Variants in CDH2 observed in about 807,000 individuals in gnomAD.
CDH2 encodes cadherin 2, also known as cadherin-2.
In CDH2, 17 loss-of-function variants were observed where a neutral mutation model predicts 92.0. The observed-to-expected ratio is 0.18, with a 90% CI of 0.13 to 0.28. The LOEUF is 0.28. Ranked by LOEUF, CDH2 falls within the 10% of genes least tolerant of loss-of-function variation. CDH2 has a pLI of 1.00. For synonymous variants in CDH2, 419 were observed against 415.9 expected (o/e 1.01, Z -0.09); for missense variants, 862 against 1,133.1 (o/e 0.76, Z 3.44).
At chr18:28,019,190 T>C (rs1292397232) in intron 2 of CDH2, among the ~76,000 whole-genome samples, 31 of 151,870 alleles carry the variant, frequency 2.0e-4, no homozygotes, top group Admixed American at 2.0e-3. Flanking sequence ...ACTGGGTACA[T>C]TGTACACTGC....
Position 27,976,106 on chromosome 18 carries a change from C to T in CDH2, c.2349+6838G>A, listed in dbSNP as rs558495086. Among the ~76,000 whole-genome samples, 21 of 152,262 alleles carry T rather than the reference C, an allele frequency of 1.4e-4. 1 individual carries two copies. In the South Asian group the frequency reaches 3.1e-3, roughly 23 times the overall value. On this transcript the variant is annotated intron_variant, in intron 14 of 15. Coordinates refer to ENST00000269141, the MANE Select transcript of CDH2 (RefSeq NM_001792.5). ...TCAGAAGGAACCAATCATGAGAGAGCAGGCAAACAGGGACAGAAGTACTCA... is the reference window on the plus strand; with the variant it reads ...TCAGAAGGAACCAATCATGAGAGAGTAGGCAAACAGGGACAGAAGTACTCA...
chr18:28,011,778 T>C, intron 4 of CDH2, 68 bp downstream of exon 4: 7 of 1,464,360 alleles, frequency 4.8e-6, no homozygotes, highest in Non-Finnish European at 6.6e-6. Flanking sequence ...GTAAAAAAAA[T>C]AGACAGAAAT....
intron 15 of CDH2, among the ~76,000 whole-genome samples, chr18:27,957,848 C>T (rs999992997): frequency 1.3e-5 from 2 of 152,124 alleles, no homozygotes; most frequent in Admixed American, 6.6e-5. Flanking sequence ...AACATTACTA[C>T]CCCTCTTTCT....
At chr18:27,944,220 A>C (rs1409710793) in intron 6 of CDH2, among the ~76,000 whole-genome samples, 1 of 152,204 alleles carries the variant, frequency 6.6e-6, no homozygotes, top group African/African-American at 2.4e-5. Flanking sequence ...TTTCTCACAA[A>C]GTAGAAACTA....
rs117885576 is a variant in CDH2 at position 28,002,899 on chromosome 18, G to A, written c.1020+98C>T. The A allele has an allele frequency of 3.6e-3, 3,783 of 1,057,294 alleles. 13 individuals are homozygous for A. The highest frequency in any genetic ancestry group is 5.0e-3 in the Non-Finnish European group (3,475 of 695,950). The allele number at this position is 1,057,294 out of a possible 1,614,324, so 65.5% of individuals were successfully genotyped here. On this transcript the variant is annotated intron_variant, in intron 7 of 15. Transcript: ENST00000269141. ...AAACGATTAGCATTTGAATAACACTGTGAGTATATTGTGATGTGGAGATAA... is the reference window on the plus strand; with the variant it reads ...AAACGATTAGCATTTGAATAACACTATGAGTATATTGTGATGTGGAGATAA...
At chr18:28,022,328 A>AT (rs1439139187) in intron 2 of CDH2, among the ~76,000 whole-genome samples, 2 of 152,088 alleles carry the variant, frequency 1.3e-5, no homozygotes, top group Middle Eastern at 3.2e-3. Context: ...CATTTTCTTT[A>AT]TAGCATATAA....
chr18:27,971,765 T>C (rs1417412479), intron 14 of CDH2, among the ~76,000 whole-genome samples: 1 of 152,198 alleles, frequency 6.6e-6, no homozygotes, highest in Non-Finnish European at 1.5e-5. Flanking sequence ...AATGAATAAC[T>C]TGGGAACATC....
At chr18:28,007,165 A>AAATATATATATATATATAT (rs1172779200) in intron 5 of CDH2, among the ~76,000 whole-genome samples, 2 of 110,462 alleles carry the variant, frequency 1.8e-5, no homozygotes, top group South Asian at 3.0e-4. Context: ...ATAAAAAAAA[A>AAATATATATATATATATAT]ATATATATAT....
In CDH2 at chr18:27,991,332, C is replaced by A. The variant is rs113120725; in HGVS notation, c.1345-982G>T. Reference sequence around the variant, plus strand: ...AGCTTCATTATCAGCAGAAACTGCACCAGTTTCGTACCCTAGACCACCTTT... The same window carrying A: ...AGCTTCATTATCAGCAGAAACTGCAACAGTTTCGTACCCTAGACCACCTTT... On this transcript the variant is annotated intron_variant, in intron 9 of 15. Transcript: ENST00000269141. 1.1e-4 allele frequency among the ~76,000 whole-genome samples: 16 copies of A among 152,244 alleles called. No homozygotes were observed. In the South Asian group the frequency reaches 3.1e-3, roughly 30 times the overall value.
intron 7 of CDH2, among the ~76,000 whole-genome samples, chr18:28,002,185 G>A (rs1312821906): frequency 3.9e-5 from 6 of 152,214 alleles, no homozygotes; most frequent in African/African-American, 7.2e-5. Context: ...AATCAGAACC[G>A]GAAGAACTAG....
At chr18:28,033,242 C>G (rs759884852) in intron 2 of CDH2, among the ~76,000 whole-genome samples, 16 of 152,016 alleles carry the variant, frequency 1.1e-4, no homozygotes, top group Non-Finnish European at 2.1e-4. Context: ...TCCCTCAATG[C>G]CTTTGTCAAT....
At chr18:28,014,052 A>C in intron 2 of CDH2, 143 bp from the exon 3 acceptor site, 1 of 629,168 alleles carries the variant, frequency 1.6e-6, no homozygotes. Flanking sequence ...TTTTTATTTT[A>C]TTATATCAAA....
At chr18:28,124,374 G>A (rs2015640262) in intron 2 of CDH2, among the ~76,000 whole-genome samples, 1 of 152,042 alleles carries the variant, frequency 6.6e-6, no homozygotes, top group Admixed American at 6.6e-5. Flanking sequence ...TTTACAGCAG[G>A]CTTTTATCTC....
At chr18:28,071,638 C>T (rs1427285534) in intron 2 of CDH2, among the ~76,000 whole-genome samples, 1 of 152,162 alleles carries the variant, frequency 6.6e-6, no homozygotes, top group Non-Finnish European at 1.5e-5. Flanking sequence ...GGCATTCTGA[C>T]AAGTTGGCAT....
At chr18:27,941,196 C>G (rs1210280366) in intron 6 of CDH2, among the ~76,000 whole-genome samples, 1 of 151,964 alleles carries the variant, frequency 6.6e-6, no homozygotes, top group Non-Finnish European at 1.5e-5. Context: ...CCACCACGCC[C>G]AGCTAATTTT....
intron 2 of CDH2, chr18:28,036,435 C>T (rs575780853): frequency 2.1e-6 from 2 of 941,968 alleles, no homozygotes; most frequent in East Asian, 4.8e-5. Context: ...AACTAAATCA[C>T]CATGTTATGG....
intron 4 of CDH2, among the ~76,000 whole-genome samples, chr18:28,010,774 A>G (rs2144031317): frequency 6.6e-6 from 1 of 151,192 alleles, no homozygotes; most frequent in African/African-American, 2.4e-5. Flanking sequence ...GGTTCATGCC[A>G]TTCTCCTGCC....
chr18:28,174,840 A>C (rs2144376845), intron 1 of CDH2, among the ~76,000 whole-genome samples: 1 of 152,316 alleles, frequency 6.6e-6, no homozygotes, highest in Middle Eastern at 3.4e-3. Flanking sequence ...AGTTTGTGAA[A>C]ATAACCATCT....
intron 2 of CDH2, among the ~76,000 whole-genome samples, chr18:28,115,593 C>G (rs1417154288): frequency 6.6e-6 from 1 of 152,172 alleles, no homozygotes. Context: ...TGAGGATAGA[C>G]AGAAGATGGC....
Sources: gnomAD v4.1 joint callset for allele counts (sites outside exome capture counted in the v4.1 genomes callset) on GRCh38, gnomAD v4.1.1 for gene constraint, MANE v1.5 for transcripts, NCBI Gene and HGNC (gene_info 2026-07-23, HGNC 2026-07-21) for gene names.